Variants in GPHN observed in about 807,000 individuals in gnomAD.
GPHN encodes the protein gephyrin.
In GPHN, 17 loss-of-function variants were observed where a neutral mutation model predicts 95.5. The ratio of observed to expected loss-of-function variants is 0.18; its 90% CI spans 0.12 to 0.27. The LOEUF (loss-of-function observed/expected upper bound fraction) is 0.27. Among genes scored for constraint, GPHN ranks in the 10% least tolerant of loss-of-function variants. GPHN has a pLI of 1.00. For synonymous variants in GPHN, 320 were observed against 322.5 expected (o/e 0.99, Z 0.08); for missense variants, 660 against 978.1 (o/e 0.67, Z 4.34).
the GPHN span, among the ~76,000 whole-genome samples, chr14:67,670,115 G>A: frequency 1.3e-5 from 2 of 152,090 alleles, no homozygotes; most frequent in Non-Finnish European, 2.9e-5. Context: ...ACAAATTCCC[G>A]TTAGCAAGGT....
intron 9 of GPHN, among the ~76,000 whole-genome samples, chr14:66,990,770 A>T (rs1038929802): frequency 8.5e-5 from 13 of 152,084 alleles, no homozygotes; most frequent in African/African-American, 2.9e-4. Flanking sequence ...AAATTCAATT[A>T]AATATTTTAT....
the GPHN span, among the ~76,000 whole-genome samples, chr14:67,423,413 C>T: frequency 6.6e-6 from 1 of 152,094 alleles, no homozygotes; most frequent in South Asian, 2.1e-4. Context: ...ACTCTGCTTC[C>T]CCAGTCCCTG....
chr14:66,656,854 C>T (rs757931587), intron 1 of GPHN, among the ~76,000 whole-genome samples: 1 of 152,062 alleles, frequency 6.6e-6, no homozygotes, highest in South Asian at 2.1e-4. Flanking sequence ...CACTGAGACA[C>T]ATCAATACTG....
chr14:66,578,576 G>A lies in GPHN; in HGVS notation c.64+69985G>A, dbSNP rs375663259. Reference sequence around the variant, plus strand: ...TCCTGAAAGCAGCAAGAGAAAAGAAGCAAATCTCATACGAGAGAACTCCAT... The same window carrying A: ...TCCTGAAAGCAGCAAGAGAAAAGAAACAAATCTCATACGAGAGAACTCCAT... On this transcript the variant is annotated intron_variant, in intron 1 of 22. Transcript: ENST00000478722. Among the ~76,000 whole-genome samples, 133 of 135,196 alleles carry A rather than the reference G, an allele frequency of 9.8e-4. 4 individuals are homozygous for A. In the South Asian group the frequency reaches 0.031, roughly 31 times the overall value. The allele number at this position is 135,196 out of a possible 152,430, so 88.7% of individuals were successfully genotyped here.
At chr14:67,431,818 G>A in the GPHN span, among the ~76,000 whole-genome samples, 3 of 152,184 alleles carry the variant, frequency 2.0e-5, no homozygotes, top group African/African-American at 7.2e-5. Flanking sequence ...AGAGGTTTCC[G>A]CAGGGGGCAG....
the GPHN span, among the ~76,000 whole-genome samples, chr14:67,376,013 T>C: frequency 2.0e-5 from 3 of 152,164 alleles, no homozygotes; most frequent in African/African-American, 7.2e-5. Context: ...TTTTAGGAGG[T>C]AAGAAAAAGT....
intron 3 of GPHN, among the ~76,000 whole-genome samples, chr14:66,811,430 G>A (rs1167580267): frequency 6.6e-6 from 1 of 151,572 alleles, no homozygotes; most frequent in Non-Finnish European, 1.5e-5. Flanking sequence ...CTAATAAAAT[G>A]TTTGTGATTT....
chr14:67,434,621 C>T, the GPHN span, among the ~76,000 whole-genome samples: 20 of 152,234 alleles, frequency 1.3e-4, no homozygotes, highest in Middle Eastern at 3.4e-3. Context: ...ACCATGAGAA[C>T]ATTTGGAGGA....
the GPHN span, among the ~76,000 whole-genome samples, chr14:67,640,732 C>T: frequency 1.3e-5 from 2 of 152,144 alleles, no homozygotes; most frequent in African/African-American, 4.8e-5. Context: ...CTTTTTGATA[C>T]AGTCAGATTA....
chr14:66,922,738 A>T lies in GPHN; in HGVS notation c.529A>T (p.Lys177Ter). 1 of 1,613,608 alleles carries T rather than the reference A, an allele frequency of 6.2e-7. No homozygotes were observed. The highest frequency in any genetic ancestry group is 8.5e-7 in the Non-Finnish European group (1 of 1,179,540). ...TTTACGTGATGCCATTGTAAAAGTAAAGGAGGTGCATGATGAACTTGAAGA... is the reference window on the plus strand; with the variant it reads ...TTTACGTGATGCCATTGTAAAAGTATAGGAGGTGCATGATGAACTTGAAGA... ...DLLRDAIVKV[K>*]EVHDELEDLP... The change falls in exon 7 of 23, where the codon AAG becomes TAG. Residue 177 changes from lysine (K) to a stop codon, truncating the protein, a stop_gained. Coordinates refer to ENST00000478722, the MANE Select transcript of GPHN (RefSeq NM_020806.5). LOFTEE classifies it high-confidence loss of function.
At chr14:66,517,126 C>CAAAAAAAAAAAAAAAAAAAA (rs1171024713) in intron 1 of GPHN, among the ~76,000 whole-genome samples, 1 of 31,004 alleles carries the variant, frequency 3.2e-5, no homozygotes, top group Non-Finnish European at 7.4e-5. Context: ...GACTCCATCT[C>CAAAAAAAAAAAAAAAAAAAA]AAAAAAAAAA....
At chr14:67,280,303 G>A in the GPHN span, among the ~76,000 whole-genome samples, 4 of 152,184 alleles carry the variant, frequency 2.6e-5, no homozygotes. Context: ...ACACCCAAGT[G>A]CTCACTGAAC....
chr14:67,264,931 CAT>C, the GPHN span, among the ~76,000 whole-genome samples: 2,945 of 152,120 alleles, frequency 0.019, 38 homozygotes, highest in Middle Eastern at 0.034. Context: ...TGTCAGGAAT[CAT>C]ATTTTTTTTT....
the GPHN span, among the ~76,000 whole-genome samples, chr14:67,478,705 G>A: frequency 6.6e-6 from 1 of 151,998 alleles, no homozygotes; most frequent in Non-Finnish European, 1.5e-5. Context: ...TGCTACCTGG[G>A]CCCCACCCAG....
At chr14:67,659,665 A>G in the GPHN span, 1 of 1,472,236 alleles carries the variant, frequency 6.8e-7, no homozygotes, top group Non-Finnish European at 9.1e-7. Context: ...CCCCAACAAT[A>G]TAGTTAATTT....
At chr14:67,393,157 G>T in the GPHN span, 2 of 1,611,018 alleles carry the variant, frequency 1.2e-6, no homozygotes, top group Non-Finnish European at 1.7e-6. Flanking sequence ...CACCGAGGAA[G>T]GTCTTTTTAT....
intron 10 of GPHN, among the ~76,000 whole-genome samples, chr14:67,055,247 G>A (rs1386934813): frequency 6.6e-6 from 1 of 152,106 alleles, no homozygotes; most frequent in Admixed American, 6.5e-5. Flanking sequence ...CCATTTAAAA[G>A]TGGGCAAAGG....
At chr14:67,469,573 A>G in the GPHN span, among the ~76,000 whole-genome samples, 1 of 149,042 alleles carries the variant, frequency 6.7e-6, no homozygotes, top group African/African-American at 2.5e-5. Flanking sequence ...GGTGTGAGCC[A>G]CCATGCCCAG....
the GPHN span, among the ~76,000 whole-genome samples, chr14:67,699,784 A>G: frequency 1.3e-5 from 2 of 152,166 alleles, no homozygotes; most frequent in Admixed American, 1.3e-4. Context: ...CTTTTGTAAT[A>G]TGATTGTTTT....
Sources: allele counts gnomAD v4.1 joint callset (sites outside exome capture counted in the v4.1 genomes callset), GRCh38; gene constraint gnomAD v4.1.1; transcripts MANE v1.5; gene names NCBI Gene and HGNC (gene_info 2026-07-23, HGNC 2026-07-21).